The following KIFC1 variants were observed in gnomAD, a reference collection of about 807,000 sequenced individuals.
KIFC1 encodes the protein kinesin family member C1.
In KIFC1, 37 loss-of-function variants were observed where a neutral mutation model predicts 66.6. The ratio of observed to expected loss-of-function variants is 0.56; its 90% CI spans 0.43 to 0.73. The LOEUF (loss-of-function observed/expected upper bound fraction) is 0.73. KIFC1 is among the 30% of genes least tolerant of loss of function. The pLI is 0.00. For missense variants in KIFC1, 721 were observed against 859.8 expected, an observed-to-expected ratio of 0.84 and a Z score of 2.02; for synonymous variants, 325 against 343.5, an observed-to-expected ratio of 0.95 and a Z score of 0.60.
At chr6:33,409,558 C>T (rs1462563449) in intron 10 of KIFC1, 88 bp from the exon 11 acceptor site, 5 of 1,296,270 alleles carry the variant, frequency 3.9e-6, no homozygotes, top group Non-Finnish European at 3.4e-6. Flanking sequence ...CTGAGGGCAG[C>T]CCTAGCATTG....
rs762296312 is a variant in KIFC1, at chr6:33,391,979, G to A, written c.-7G>A. On this transcript the variant is annotated 5_prime_UTR_variant, in exon 1 of 11. Transcript: ENST00000428849. ...ATTCCCCCGGCGCGTGTGGGACCGA[G>A]GTGGACATGGATCCGCAGGTGAGTA... 2.2e-5 allele frequency: 35 copies of A among 1,613,888 alleles called. No homozygotes were observed. Among genetic ancestry groups the A allele is most frequent in the Admixed American group, 3.3e-5 (2 of 59,996 alleles).
intron 1 of KIFC1, among the ~76,000 whole-genome samples, chr6:33,396,585 G>A (rs1320682310): frequency 6.6e-6 from 1 of 151,618 alleles, no homozygotes; most frequent in East Asian, 1.9e-4. Context: ...TGGGACCACA[G>A]GCAAATGTCA....
intron 1 of KIFC1, among the ~76,000 whole-genome samples, chr6:33,396,446 T>C (rs9280437): frequency 1.7e-5 from 2 of 120,946 alleles, no homozygotes; most frequent in Non-Finnish European, 4.0e-5. Context: ...CTTTTTTTTT[T>C]TTTTTTTTTG....
At chr6:33,397,290 A>C (rs1489951014) in intron 1 of KIFC1, among the ~76,000 whole-genome samples, 1 of 129,450 alleles carries the variant, frequency 7.7e-6, no homozygotes, top group Non-Finnish European at 1.6e-5. Context: ...ATTAAGTTCT[A>C]ATGCCCTTTT....
chr6:33,401,576 C>T lies in KIFC1; in HGVS notation c.251-1738C>T, dbSNP rs1056311324. Among the ~76,000 whole-genome samples the T allele has an allele frequency of 1.3e-5, 2 of 152,180 alleles. No homozygotes were observed. The highest frequency in any genetic ancestry group is 2.9e-5 in the Non-Finnish European group (2 of 68,042). ...AAATATACACATTAGCCTAGGCCTACATAGGGTCAGGATCATCAACATCAC... is the reference window on the plus strand; with the variant it reads ...AAATATACACATTAGCCTAGGCCTATATAGGGTCAGGATCATCAACATCAC... On this transcript the variant is annotated intron_variant, in intron 3 of 10. Transcript: ENST00000428849. The surrounding 1 kb of genome is among the most constrained non-coding windows in gnomAD (Gnocchi z 4.5).
Position 33,404,087 on chromosome 6 carries a change from G to A in KIFC1, c.714G>A (p.Gln238=). 6.2e-7 allele frequency: 1 copy of A among 1,614,034 alleles called. No homozygotes were observed. Among genetic ancestry groups the A allele is most frequent in the South Asian group, 1.1e-5 (1 of 91,072 alleles). The change falls in exon 6 of 11, where the codon CAG becomes CAA. Residue 238 remains glutamine, a synonymous_variant. Transcript: ENST00000428849. The surrounding 1 kb of genome is among the most constrained non-coding windows in gnomAD (Gnocchi z 4.0). ...QELQKKQVEL[Q]EERRGLMSQL... ...TTCAGAAAAAACAGGTGGAATTGCA[G>A]GAAGAACGGAGGGGACTGATGTCCC...
At chr6:33,407,137 AG>A in intron 10 of KIFC1, 3 of 1,192,654 alleles carry the variant, frequency 2.5e-6, no homozygotes, top group Non-Finnish European at 3.3e-6. Context: ...GGTTGGGCGT[AG>A]TAGCTCATGC....
chr6:33,396,603 C>T lies in KIFC1; in HGVS notation c.13-1426C>T, dbSNP rs549156094. On this transcript the variant is annotated intron_variant, in intron 1 of 10. Coordinates refer to ENST00000428849, the MANE Select transcript of KIFC1 (RefSeq NM_002263.4). ...GACCACAGGCAAATGTCATCTGGTT[C>T]GCTAAGGTGGATGTCTGCCTAGCTT... Among the ~76,000 whole-genome samples, 9 of 151,740 alleles carry T rather than the reference C, an allele frequency of 5.9e-5. 1 individual carries two copies. The highest frequency in any genetic ancestry group is 3.9e-4 in the East Asian group (2 of 5,166).
At chr6:33,395,148 G>T (rs557796783) in intron 1 of KIFC1, among the ~76,000 whole-genome samples, 7 of 152,316 alleles carry the variant, frequency 4.6e-5, no homozygotes, top group Non-Finnish European at 8.8e-5. Flanking sequence ...AAGCCTGATT[G>T]CAATGGGCTT....
intron 1 of KIFC1, among the ~76,000 whole-genome samples, chr6:33,396,431 CT>C (rs1775041762): frequency 1.6e-5 from 2 of 128,186 alleles, no homozygotes; most frequent in Non-Finnish European, 3.2e-5. Flanking sequence ...TCTTTCTTTT[CT>C]TTTCTTTTTT....
chr6:33,406,601 G>A lies in KIFC1; in HGVS notation c.1837G>A (p.Val613Met). The change falls in exon 9 of 11, where the codon GTG (valine) becomes ATG (methionine). Residue 613 changes from valine to methionine, a missense_variant. Transcript: ENST00000428849. The surrounding 1 kb of genome is among the most constrained non-coding windows in gnomAD (Gnocchi z 4.5). ...IMALSNKESH[V>M]PYRNSKLTYL... ...CACCTCAATCATCTAGGAGTCCCACGTGCCTTACCGGAACAGCAAACTGAC... is the reference window on the plus strand; with the variant it reads ...CACCTCAATCATCTAGGAGTCCCACATGCCTTACCGGAACAGCAAACTGAC... 1.9e-6 allele frequency: 3 copies of A among 1,614,040 alleles called. No individual in the cohort carries two copies. The highest frequency in any genetic ancestry group is 2.5e-6 in the Non-Finnish European group (3 of 1,180,000).
At position 33,406,573 on chromosome 6, in the gene KIFC1, C is replaced by A. The variant is rs769125888; in HGVS notation, c.1828-19C>A. On this transcript the variant is annotated intron_variant, in intron 8 of 10. Transcript: ENST00000428849. This position sits in a 1 kb window ranked among gnomAD's most constrained non-coding sequence, Gnocchi z 4.5. Reference sequence around the variant, plus strand: ...ACCCTGCCTATTCCTAAACATCTGTCCCCACCTCAATCATCTAGGAGTCCC... The same window carrying A: ...ACCCTGCCTATTCCTAAACATCTGTACCCACCTCAATCATCTAGGAGTCCC... The A allele has an allele frequency of 3.7e-6, 6 of 1,613,828 alleles. No individual in the cohort carries two copies. The highest frequency in any genetic ancestry group is 5.1e-6 in the Non-Finnish European group (6 of 1,179,880).
At position 33,405,215 on chromosome 6, in the gene KIFC1, T is replaced by C; in HGVS notation, c.1120T>C (p.Phe374Leu). The change falls in exon 7 of 11, where the codon TTT becomes CTT. Residue 374 changes from phenylalanine (F) to leucine (L), a missense_variant. By Grantham distance (22) the Phe-to-Leu change is conservative. Coordinates refer to ENST00000428849, the MANE Select transcript of KIFC1 (RefSeq NM_002263.4). The surrounding 1 kb of genome is among the most constrained non-coding windows in gnomAD (Gnocchi z 5.4). ...TCCCCCAACTCGCCATGATTTTTCC[T>C]TTGACCGGGTATTCCCACCAGGAAG... The part of the protein sequence containing the change: ...PAPPTRHDFS[F>L]DRVFPPGSGQ... 6.2e-7 allele frequency: 1 copy of C among 1,614,162 alleles called. No individual in the cohort carries two copies. The highest frequency in any genetic ancestry group is 8.5e-7 in the Non-Finnish European group (1 of 1,180,012).
In KIFC1 at chr6:33,404,423, A is replaced by T. The variant is rs1775535744; in HGVS notation, c.756+294A>T. On this transcript the variant is annotated intron_variant, in intron 6 of 10. Transcript: ENST00000428849. This position sits in a 1 kb window ranked among gnomAD's most constrained non-coding sequence, Gnocchi z 4.0. ...CTTTCTTTGGGTTCCCATCCTGATC[A>T]CAAATTCCTGTGGTACTCTCTTTCC... is the stretch of plus-strand genomic sequence containing the variant. 6.6e-6 allele frequency among the ~76,000 whole-genome samples: 1 copy of T among 151,878 alleles called. No homozygotes were observed. Among genetic ancestry groups the T allele is most frequent in the African/African-American group, 2.4e-5 (1 of 41,294 alleles).
Position 33,403,027 on chromosome 6 carries a change from C to CTA in KIFC1, c.251-283_251-282dup, listed in dbSNP as rs902148425. Reference sequence around the variant, plus strand: ...AAGTATATGGGAGCGTGTGCATAGACTATATTTAATACTATATACCTATTT... The same window carrying CTA: ...AAGTATATGGGAGCGTGTGCATAGACTATATATTTAATACTATATACCTATTT... On this transcript the variant is annotated intron_variant, in intron 3 of 10. Transcript: ENST00000428849. The surrounding 1 kb of genome is among the most constrained non-coding windows in gnomAD (Gnocchi z 4.6). Among the ~76,000 whole-genome samples, 33 of 152,120 alleles carry CTA rather than the reference C, an allele frequency of 2.2e-4. No individual in the cohort carries two copies. The highest frequency in any genetic ancestry group is 8.0e-4 in the African/African-American group (33 of 41,470).
chr6:33,396,410 C>A lies in KIFC1; in HGVS notation c.13-1619C>A, dbSNP rs866003842. ...CTCAGATCTCTGTGTTATTTCTTTT[C>A]TTTTTCTTTTTCTTTCTTTTCTTTT... On this transcript the variant is annotated intron_variant, in intron 1 of 10. Coordinates refer to ENST00000428849, the MANE Select transcript of KIFC1 (RefSeq NM_002263.4). 1.6e-4 allele frequency among the ~76,000 whole-genome samples: 23 copies of A among 146,922 alleles called. No homozygotes were observed. In the East Asian group the frequency reaches 3.6e-3, roughly 23 times the overall value.
intron 3 of KIFC1, 110 bp downstream of exon 3, chr6:33,398,497 C>A: frequency 1.2e-6 from 1 of 861,982 alleles, no homozygotes; most frequent in Non-Finnish European, 1.9e-6. Flanking sequence ...CAGAGTCTCG[C>A]TCTATCGCCC....
At chr6:33,408,053 G>A (rs908494522) in intron 10 of KIFC1, among the ~76,000 whole-genome samples, 1 of 152,190 alleles carries the variant, frequency 6.6e-6, no homozygotes, top group Admixed American at 6.5e-5. Context: ...TTCAATTTTA[G>A]AGGGTGGTGA....
In KIFC1 at chr6:33,403,152, G is replaced by C. The variant is rs1403119078; in HGVS notation, c.251-162G>C. Among the ~76,000 whole-genome samples the C allele has an allele frequency of 6.6e-6, 1 of 152,140 alleles. No individual in the cohort carries two copies. Among genetic ancestry groups the C allele is most frequent in the Non-Finnish European group, 1.5e-5 (1 of 68,028 alleles). ...GGGATGACTGTAATTTCTGGTTCTAGGGGAGGTATCATTAGGAGCTGGCCA... is the reference window on the plus strand; with the variant it reads ...GGGATGACTGTAATTTCTGGTTCTACGGGAGGTATCATTAGGAGCTGGCCA... On this transcript the variant is annotated intron_variant, in intron 3 of 10. Transcript: ENST00000428849. This position sits in a 1 kb window ranked among gnomAD's most constrained non-coding sequence, Gnocchi z 4.6.
Sources: gnomAD v4.1 joint callset for allele counts (sites outside exome capture counted in the v4.1 genomes callset) on GRCh38, gnomAD v4.1.1 for gene constraint, Gnocchi (gnomAD v3.1) non-coding constraint, MANE v1.5 for transcripts, NCBI Gene and HGNC (gene_info 2026-07-23, HGNC 2026-07-21) for gene names.